EDAR: variants seen among roughly 807,000 people sequenced by gnomAD.
EDAR encodes the protein tumor necrosis factor receptor superfamily member EDAR.
Under a neutral mutation model 51.3 loss-of-function variants are expected in EDAR, and 38 were observed. That is an observed-to-expected ratio of 0.74 (90% CI 0.57 to 0.97). The LOEUF is 0.97. Among genes scored for constraint, EDAR ranks in the 50% least tolerant of loss-of-function variants. The pLI is 0.00. For synonymous variants in EDAR, 227 were observed against 242.1 expected, an observed-to-expected ratio of 0.94 and a Z score of 0.58; for missense variants, 528 against 595.0, an observed-to-expected ratio of 0.89 and a Z score of 1.17.
At chr2:108,958,595 G>A (rs115513935) in intron 1 of EDAR, among the ~76,000 whole-genome samples, 1,522 of 152,164 alleles carry the variant, frequency 0.01, 18 homozygotes, top group African/African-American at 0.034. Flanking sequence ...CCCCATGGCC[G>A]CCCTATTGCT....
chr2:108,972,315 C>G lies in EDAR; in HGVS notation c.-19+16645G>C, dbSNP rs1176337099. ...ATAGCCATGCCGGCCCAGTTCTCGACAAGCTTAGGATTGAACACAGACAAT... is the reference window on the plus strand; with the variant it reads ...ATAGCCATGCCGGCCCAGTTCTCGAGAAGCTTAGGATTGAACACAGACAAT... On this transcript the variant is annotated intron_variant, in intron 1 of 11. Coordinates refer to ENST00000258443, the MANE Select transcript of EDAR (RefSeq NM_022336.4). Among the ~76,000 whole-genome samples the G allele has an allele frequency of 3.9e-5, 6 of 152,386 alleles. 1 individual carries two copies. In the East Asian group the frequency reaches 5.8e-4, roughly 15 times the overall value.
chr2:108,896,248 G>T lies in EDAR; in HGVS notation c.*659C>A, dbSNP rs985841317. ...CTGTAAGAATATGGATGACCTCAAG[G>T]ATAGGTAAAAAGTTATCCTAATGAA... is the stretch of plus-strand genomic sequence containing the variant. On this transcript the variant is annotated 3_prime_UTR_variant, in exon 12 of 12. Transcript: ENST00000258443. The T allele has an allele frequency of 6.6e-6, 1 of 152,442 alleles. No individual in the cohort carries two copies. Among genetic ancestry groups the T allele is most frequent in the African/African-American group, 2.4e-5 (1 of 41,474 alleles). The allele number at this position is 152,442 out of a possible 1,614,324, so 9.4% of individuals were successfully genotyped here.
At chr2:108,955,374 GA>G (rs1329110777) in intron 1 of EDAR, among the ~76,000 whole-genome samples, 1 of 152,168 alleles carries the variant, frequency 6.6e-6, no homozygotes, top group Non-Finnish European at 1.5e-5. Context: ...AAAATATAAA[GA>G]AATAAAATCA....
intron 1 of EDAR, among the ~76,000 whole-genome samples, chr2:108,979,592 C>T (rs76773934): frequency 1.8e-3 from 279 of 152,084 alleles, no homozygotes; most frequent in Non-Finnish European, 2.6e-3. Flanking sequence ...ACTTGGAGAC[C>T]CTGAGCCATG....
chr2:108,944,303 G>C (rs1449644504), intron 1 of EDAR, among the ~76,000 whole-genome samples: 1 of 152,076 alleles, frequency 6.6e-6, no homozygotes, highest in Non-Finnish European at 1.5e-5. Context: ...TAGTAGAGAC[G>C]GGGTTTCACC....
chr2:108,923,856 C>T (rs1408944717), intron 4 of EDAR, among the ~76,000 whole-genome samples: 1 of 152,252 alleles, frequency 6.6e-6, no homozygotes, highest in East Asian at 1.9e-4. Context: ...CCTCTGTGAG[C>T]ACCCTCCCCA....
chr2:108,979,394 C>T (rs148779314), intron 1 of EDAR, among the ~76,000 whole-genome samples: 4 of 152,184 alleles, frequency 2.6e-5, no homozygotes, highest in African/African-American at 9.6e-5. Flanking sequence ...CCAGCCTGGT[C>T]CAAGCCCCAT....
intron 1 of EDAR, among the ~76,000 whole-genome samples, chr2:108,980,376 G>T (rs1698398480): frequency 6.6e-6 from 1 of 152,112 alleles, no homozygotes; most frequent in Non-Finnish European, 1.5e-5. Context: ...TGCCACTAAT[G>T]CTCTGGTGGG....
chr2:108,979,308 T>C (rs1698380431), intron 1 of EDAR, among the ~76,000 whole-genome samples: 1 of 152,154 alleles, frequency 6.6e-6, no homozygotes, highest in South Asian at 2.1e-4. Context: ...GCCTCTTCCA[T>C]TTGGCGAACC....
intron 11 of EDAR, among the ~76,000 whole-genome samples, chr2:108,899,940 C>T (rs567172303): frequency 2.6e-5 from 4 of 152,084 alleles, no homozygotes; most frequent in African/African-American, 9.6e-5. Context: ...GAGCCGAGAT[C>T]GTGTCACTGC....
chr2:108,926,150 T>A (rs900580908), intron 4 of EDAR, among the ~76,000 whole-genome samples: 6 of 152,180 alleles, frequency 3.9e-5, no homozygotes, highest in African/African-American at 1.4e-4. Context: ...AAAGAACATG[T>A]GGCTGTCTTT....
rs1696554557 is a variant in EDAR at position 108,895,004 on chromosome 2, A to T, written c.*1903T>A. On this transcript the variant is annotated 3_prime_UTR_variant, in exon 12 of 12. Coordinates refer to ENST00000258443, the MANE Select transcript of EDAR (RefSeq NM_022336.4). ...CACAAGTGACATTTGCAGTCTAATT[A>T]AGGGGAGACTCACTCATCATCATCA... 1 of 150,414 alleles carries T rather than the reference A, an allele frequency of 6.6e-6. No individual in the cohort carries two copies. The highest frequency in any genetic ancestry group is 1.5e-5 in the Non-Finnish European group (1 of 67,748). The allele number at this position is 150,414 out of a possible 1,614,324, so 9.3% of individuals were successfully genotyped here.
At chr2:108,966,827 TA>T (rs1169151994) in intron 1 of EDAR, among the ~76,000 whole-genome samples, 1 of 152,200 alleles carries the variant, frequency 6.6e-6, no homozygotes, top group African/African-American at 2.4e-5. Context: ...TATTCTTGGC[TA>T]AACTGCTGAG....
intron 1 of EDAR, among the ~76,000 whole-genome samples, chr2:108,956,977 A>G (rs183392922): frequency 6.6e-6 from 1 of 152,166 alleles, no homozygotes; most frequent in African/African-American, 2.4e-5. Context: ...TTTAGTAGAG[A>G]CGGGGTTTCT....
chr2:108,979,818 C>T (rs1698391117), intron 1 of EDAR, among the ~76,000 whole-genome samples: 1 of 152,298 alleles, frequency 6.6e-6, no homozygotes, highest in African/African-American at 2.4e-5. Flanking sequence ...GGCCATCTGA[C>T]ATGACATGCT....
At chr2:108,942,289 G>T (rs1697616517) in intron 1 of EDAR, among the ~76,000 whole-genome samples, 1 of 152,244 alleles carries the variant, frequency 6.6e-6, no homozygotes, top group Non-Finnish European at 1.5e-5. Flanking sequence ...AGGTGGGAGA[G>T]CCGAGGCACA....
chr2:108,934,841 A>ACCC (rs879572978), intron 1 of EDAR, among the ~76,000 whole-genome samples: 13 of 152,134 alleles, frequency 8.5e-5, no homozygotes, highest in Non-Finnish European at 1.5e-4. Context: ...TAAGTTTTTA[A>ACCC]CACATAAACT....
chr2:108,984,694 T>G (rs1261608275), intron 1 of EDAR, among the ~76,000 whole-genome samples: 3 of 152,160 alleles, frequency 2.0e-5, no homozygotes, highest in African/African-American at 7.2e-5. Flanking sequence ...TTGTTTGTTT[T>G]TTTTTCATGG....
intron 1 of EDAR, among the ~76,000 whole-genome samples, chr2:108,934,709 G>T (rs574442971): frequency 1.3e-5 from 2 of 152,124 alleles, no homozygotes; most frequent in African/African-American, 4.8e-5. Context: ...GTTATAACCA[G>T]CCCACTCTCG....
Sources: gnomAD v4.1 joint callset for allele counts (sites outside exome capture counted in the v4.1 genomes callset) on GRCh38, gnomAD v4.1.1 for gene constraint, MANE v1.5 for transcripts, NCBI Gene and HGNC (gene_info 2026-07-23, HGNC 2026-07-21) for gene names.